The following PREX2 variants were observed in gnomAD, a reference collection of about 807,000 sequenced individuals.
PREX2 encodes the protein phosphatidylinositol 3,4,5-trisphosphate-dependent Rac exchanger 2 protein.
PREX2 carries 107 observed loss-of-function variants against 203.2 expected under a neutral mutation model. The observed-to-expected ratio is 0.53, with a 90% CI of 0.45 to 0.62. The LOEUF is 0.62. Ranked by LOEUF, PREX2 falls within the 20% of genes least tolerant of loss-of-function variation. PREX2 has a pLI of 0.00. For missense variants in PREX2, 1,777 were observed against 1,955.9 expected, an observed-to-expected ratio of 0.91 and a Z score of 1.72; for synonymous variants, 672 against 663.6, an observed-to-expected ratio of 1.01 and a Z score of -0.19.
intron 36 of PREX2, 95 bp downstream of exon 36, chr8:68,191,883 T>C: frequency 2.4e-6 from 2 of 829,244 alleles, no homozygotes; most frequent in Non-Finnish European, 4.0e-6. Flanking sequence ...TTAATCTAAG[T>C]AGTTTTAATC....
chr8:68,084,578 C>T (rs778077367), intron 18 of PREX2, among the ~76,000 whole-genome samples: 38 of 152,210 alleles, frequency 2.5e-4, no homozygotes, highest in Middle Eastern at 3.4e-3. Context: ...AAATTAGATG[C>T]TTTAGCTTCT....
Position 68,087,714 on chromosome 8 carries a change from A to G in PREX2, c.2028-10A>G, listed in dbSNP as rs374551477. On this transcript the variant is annotated splice_polypyrimidine_tract_variant and intron_variant, in intron 18 of 39. Coordinates refer to ENST00000288368, the MANE Select transcript of PREX2 (RefSeq NM_024870.4). ...ACGCTTCATCTTACCTTATTTTCTG[A>G]TTGATTTAGGACAGTGAAAATTCCA... 5.7e-5 allele frequency: 92 copies of G among 1,602,038 alleles called. No homozygotes were observed. The African/African-American group carries it at 1.1e-3, about 19-fold the overall frequency.
chr8:68,048,244 GA>G (rs776537212), intron 8 of PREX2, among the ~76,000 whole-genome samples: 10 of 152,038 alleles, frequency 6.6e-5, no homozygotes, highest in Non-Finnish European at 1.3e-4. Flanking sequence ...GCAATAGTTG[GA>G]AAGCTATTGA....
intron 13 of PREX2, among the ~76,000 whole-genome samples, chr8:68,071,193 A>G (rs1809184095): frequency 6.6e-6 from 1 of 152,196 alleles, no homozygotes. Flanking sequence ...AGAGCTGATA[A>G]GGAATTTTTC....
At chr8:68,077,897 T>G (rs1268247473) in intron 15 of PREX2, among the ~76,000 whole-genome samples, 1 of 152,166 alleles carries the variant, frequency 6.6e-6, no homozygotes, top group Non-Finnish European at 1.5e-5. Flanking sequence ...GAAAAATGTT[T>G]TTAAAATTAC....
At chr8:68,036,342 G>A (rs1409344308) in intron 6 of PREX2, among the ~76,000 whole-genome samples, 2 of 152,132 alleles carry the variant, frequency 1.3e-5, no homozygotes, top group South Asian at 2.1e-4. Flanking sequence ...GTCAGGAAAT[G>A]TTTTGTTAAG....
chr8:68,086,832 C>T (rs966610368), intron 18 of PREX2, among the ~76,000 whole-genome samples: 1 of 152,136 alleles, frequency 6.6e-6, no homozygotes, highest in African/African-American at 2.4e-5. Context: ...TTTAAACCTT[C>T]ATTGCATAAA....
chr8:68,068,889 G>T (rs542484066), intron 11 of PREX2, 144 bp from the exon 12 acceptor site: 88 of 434,434 alleles, frequency 2.0e-4, no homozygotes, highest in African/African-American at 1.7e-3. Flanking sequence ...TACTCAATTG[G>T]TATTGCTGTG....
chr8:67,960,967 T>C (rs1047167206), intron 1 of PREX2, among the ~76,000 whole-genome samples: 4 of 150,174 alleles, frequency 2.7e-5, no homozygotes, highest in Non-Finnish European at 5.9e-5. Context: ...ACATCTAGTA[T>C]GAATAGGTTC....
chr8:68,164,714 C>A (rs1811725957), intron 35 of PREX2, among the ~76,000 whole-genome samples: 1 of 151,412 alleles, frequency 6.6e-6, no homozygotes, highest in Non-Finnish European at 1.5e-5. Flanking sequence ...TCCCGAGTAG[C>A]TGGGATTACA....
intron 37 of PREX2, among the ~76,000 whole-genome samples, chr8:68,196,732 C>G (rs185965529): frequency 1.2e-4 from 18 of 150,674 alleles, no homozygotes; most frequent in South Asian, 2.1e-4. Context: ...CCTCCCCCCC[C>G]CAACTCTCTC....
At chr8:68,072,124 G>A (rs1172515206) in intron 13 of PREX2, among the ~76,000 whole-genome samples, 3 of 152,114 alleles carry the variant, frequency 2.0e-5, no homozygotes, top group African/African-American at 7.2e-5. Context: ...ACAGCATCCA[G>A]TATTTCATTT....
In PREX2 at chr8:68,021,948, T is replaced by A. The variant is rs1293022468; in HGVS notation, c.337-88T>A. ...ATAGCTCTTAAAACGTAGTAAACAC[T>A]CAGTGAAGTTTCTTTAAGCATATCA... On this transcript the variant is annotated intron_variant, in intron 3 of 39. Transcript: ENST00000288368. 7 of 694,926 alleles carry A rather than the reference T, an allele frequency of 1.0e-5. No individual in the cohort carries two copies. In the Admixed American group the frequency reaches 1.2e-4, roughly 12 times the overall value. The allele number at this position is 694,926 out of a possible 1,614,324, so 43.0% of individuals were successfully genotyped here. A position where few individuals can be genotyped will look rare whatever the true frequency, so the allele number is the denominator to read the frequency against.
At chr8:68,170,343 G>A (rs182684480) in intron 35 of PREX2, among the ~76,000 whole-genome samples, 6 of 152,186 alleles carry the variant, frequency 3.9e-5, no homozygotes, top group Non-Finnish European at 8.8e-5. Flanking sequence ...TTCATGCATC[G>A]ATTATCAGTA....
At chr8:68,105,430 G>A in intron 23 of PREX2, 2 of 1,240,814 alleles carry the variant, frequency 1.6e-6, no homozygotes, top group South Asian at 1.4e-5. Context: ...CATGTGGGCA[G>A]GGGGACATCC....
intron 23 of PREX2, chr8:68,105,463 G>A (rs1202977123): frequency 8.6e-7 from 1 of 1,159,982 alleles, no homozygotes; most frequent in African/African-American, 1.6e-5. Context: ...CATTTGTATT[G>A]AGCTACAAGT....
chr8:68,216,853 T>C (rs1812850346), intron 37 of PREX2, among the ~76,000 whole-genome samples: 1 of 151,740 alleles, frequency 6.6e-6, no homozygotes, highest in Admixed American at 6.6e-5. Flanking sequence ...CTACTGCTAC[T>C]TGGGAGACTG....
intron 37 of PREX2, among the ~76,000 whole-genome samples, chr8:68,200,415 G>A (rs1365697645): frequency 6.6e-6 from 1 of 151,492 alleles, no homozygotes; most frequent in Non-Finnish European, 1.5e-5. Context: ...TTGTAAAATA[G>A]GCAAATAAAC....
chr8:68,078,460 G>A (rs553795734), intron 15 of PREX2, among the ~76,000 whole-genome samples: 2 of 152,260 alleles, frequency 1.3e-5, no homozygotes, highest in East Asian at 3.9e-4. Flanking sequence ...ACTATGCCTG[G>A]CCTCTTTTTA....
Sources: gnomAD v4.1 joint callset for allele counts (sites outside exome capture counted in the v4.1 genomes callset) on GRCh38, gnomAD v4.1.1 for gene constraint, MANE v1.5 for transcripts, NCBI Gene and HGNC (gene_info 2026-07-23, HGNC 2026-07-21) for gene names.